Variants in XIRP2 observed in about 807,000 individuals in gnomAD.
XIRP2 encodes the protein xin actin-binding repeat-containing protein 2.
XIRP2 carries 236 observed loss-of-function variants against 277.0 expected under a neutral mutation model. The ratio of observed to expected loss-of-function variants is 0.85; its 90% CI spans 0.77 to 0.95. The LOEUF is 0.95. XIRP2 is among the 40% of genes least tolerant of loss of function. XIRP2 has a pLI of 0.00. For missense variants in XIRP2, 4,640 were observed against 4,157.5 expected (o/e 1.12, Z -3.19); for synonymous variants, 1,490 against 1,416.5 (o/e 1.05, Z -1.17).
chr2:166,915,683 A>G (rs1684852973), intron 2 of XIRP2, among the ~76,000 whole-genome samples: 1 of 152,178 alleles, frequency 6.6e-6, no homozygotes, highest in Admixed American at 6.5e-5. Context: ...TAATCTAATT[A>G]TTCTATTCAT....
chr2:166,912,991 G>T (rs757302235), intron 2 of XIRP2, among the ~76,000 whole-genome samples: 33 of 152,266 alleles, frequency 2.2e-4, no homozygotes, highest in Middle Eastern at 3.4e-3. Flanking sequence ...TTACTCGGCC[G>T]TGTGAGGTGT....
intron 2 of XIRP2, among the ~76,000 whole-genome samples, chr2:167,017,313 G>A (rs1174777852): frequency 1.3e-5 from 2 of 151,852 alleles, no homozygotes; most frequent in Non-Finnish European, 2.9e-5. Context: ...TGATTTATGT[G>A]GTTGCATAAC....
At chr2:167,242,361 A>C (rs1470013737) in intron 8 of XIRP2, among the ~76,000 whole-genome samples, 1 of 152,216 alleles carries the variant, frequency 6.6e-6, no homozygotes, top group African/African-American at 2.4e-5. Flanking sequence ...TAGCAAATAT[A>C]ACTTTACAAG....
Position 167,245,148 on chromosome 2 carries a change from A to G in XIRP2, c.3756A>G (p.Lys1252=), listed in dbSNP as rs766258928. The G allele has an allele frequency of 6.2e-7, 1 of 1,613,002 alleles. No individual in the cohort carries two copies. The highest frequency in any genetic ancestry group is 8.5e-7 in the Non-Finnish European group (1 of 1,179,592). Reference sequence around the variant, plus strand: ...AAAACCAACCAATTGATAAGATAAAAGAAAGCCAAGAAGGTGATGAATGTG... The same window carrying G: ...AAAACCAACCAATTGATAAGATAAAGGAAAGCCAAGAAGGTGATGAATGTG... ...LFENQPIDKI[K]ESQEGDECVK... is the part of the protein sequence containing the mutation. The change falls in exon 9 of 11, where the codon AAA becomes AAG. Residue 1252 remains lysine, a synonymous_variant. Transcript: ENST00000409195.
In XIRP2 at chr2:167,244,504, ATAAT is replaced by A; in HGVS notation, c.3115_3118del (p.Ile1039GlufsTer13). The A allele has an allele frequency of 6.2e-7, 1 of 1,613,742 alleles. No individual in the cohort carries two copies. Among genetic ancestry groups the A allele is most frequent in the Non-Finnish European group, 8.5e-7 (1 of 1,179,824 alleles). On this transcript the variant is annotated frameshift_variant, in exon 9 of 11. Transcript: ENST00000409195. LOFTEE classifies it high-confidence loss of function. ...TGATGAAAGCATTCATAAATTTCAA[ATAAT>A]TAGAGGAATATCTGCTCAAGAAATA...
rs752152777 is a variant in XIRP2, at chr2:167,248,472, A to G, written c.7080A>G (p.Ser2360=). ...ATGAGAAATCTGAAAGAGAAAGTTC[A>G]TCGATGTTTCTGCCGCCTCCTCCTC... ...PVDEKSERES[S]SMFLPPPPPP... The change falls in exon 9 of 11, where the codon TCA becomes TCG. Residue 2360 remains serine (S), a synonymous_variant. Transcript: ENST00000409195. 6.2e-7 allele frequency: 1 copy of G among 1,613,668 alleles called. No homozygotes were observed. The highest frequency in any genetic ancestry group is 8.5e-7 in the Non-Finnish European group (1 of 1,179,760).
chr2:167,121,888 T>A (rs188040856), intron 2 of XIRP2, among the ~76,000 whole-genome samples: 144 of 152,212 alleles, frequency 9.5e-4, no homozygotes, highest in African/African-American at 3.3e-3. Context: ...ACACAGCAAG[T>A]CATATGAACG....
At chr2:166,982,384 A>T in intron 2 of XIRP2, among the ~76,000 whole-genome samples, 1 of 147,384 alleles carries the variant, frequency 6.8e-6, no homozygotes. Context: ...GTAAAATTTG[A>T]TTTTTCTTCC....
At chr2:167,094,552 A>G (rs1690242281) in intron 2 of XIRP2, among the ~76,000 whole-genome samples, 1 of 152,062 alleles carries the variant, frequency 6.6e-6, no homozygotes. Context: ...AGTTTTCCCA[A>G]CACCATTTAT....
At chr2:167,252,951 A>G (rs1695557416) in intron 9 of XIRP2, among the ~76,000 whole-genome samples, 1 of 151,920 alleles carries the variant, frequency 6.6e-6, no homozygotes, top group African/African-American at 2.4e-5. Context: ...TCAAATACTC[A>G]GCTTCTGTTA....
chr2:167,083,327 T>C (rs1417842614), intron 2 of XIRP2, among the ~76,000 whole-genome samples: 3 of 152,252 alleles, frequency 2.0e-5, no homozygotes, highest in Non-Finnish European at 4.4e-5. Flanking sequence ...ACCAGTACCA[T>C]GCTGTTTTGG....
chr2:166,924,101 G>A (rs758786399), intron 2 of XIRP2, among the ~76,000 whole-genome samples: 1 of 152,090 alleles, frequency 6.6e-6, no homozygotes, highest in Non-Finnish European at 1.5e-5. Context: ...ATATAGTTGA[G>A]TATCTTCCTT....
intron 2 of XIRP2, among the ~76,000 whole-genome samples, chr2:166,985,396 G>T (rs1191214940): frequency 6.6e-6 from 1 of 151,330 alleles, no homozygotes; most frequent in Non-Finnish European, 1.5e-5. Flanking sequence ...TACTTTTTAT[G>T]TCCATAATTA....
chr2:167,162,125 A>AT (rs1276665125), intron 3 of XIRP2, among the ~76,000 whole-genome samples: 1 of 152,156 alleles, frequency 6.6e-6, no homozygotes, highest in Non-Finnish European at 1.5e-5. Context: ...TCCCTGTATC[A>AT]TTATCAGCAT....
chr2:167,098,822 G>A (rs1311281602), intron 2 of XIRP2, among the ~76,000 whole-genome samples: 1 of 152,160 alleles, frequency 6.6e-6, no homozygotes, highest in Non-Finnish European at 1.5e-5. Flanking sequence ...ATCTGCTGGA[G>A]TTTGCTGTGG....
At position 167,248,192 on chromosome 2, in the gene XIRP2, T is replaced by C; in HGVS notation, c.6800T>C (p.Met2267Thr). The part of the protein sequence containing the change: ...TNTSTGLKMA[M>T]ERSLNPINFN... ...ACTTCCACAGGCTTAAAAATGGCAA[T>C]GGAAAGGTCCTTGAATCCAATCAAC... The change falls in exon 9 of 11, where the codon ATG (methionine) becomes ACG (threonine). Residue 2267 changes from methionine to threonine, a missense_variant. Met to Thr is a moderately conservative substitution (Grantham distance 81). Coordinates refer to ENST00000409195, the MANE Select transcript of XIRP2 (RefSeq NM_152381.6). 2 of 1,613,748 alleles carry C rather than the reference T, an allele frequency of 1.2e-6. No individual in the cohort carries two copies. The highest frequency in any genetic ancestry group is 1.7e-6 in the Non-Finnish European group (2 of 1,179,792).
chr2:167,043,756 G>C (rs1193928968), intron 2 of XIRP2, among the ~76,000 whole-genome samples: 2 of 151,912 alleles, frequency 1.3e-5, no homozygotes, highest in Non-Finnish European at 2.9e-5. Flanking sequence ...AATTCTACCA[G>C]ATATATAAAG....
At chr2:167,242,054 T>C (rs1695088436) in intron 8 of XIRP2, 144 bp downstream of exon 8, 1 of 1,065,376 alleles carries the variant, frequency 9.4e-7, no homozygotes, top group African/African-American at 1.6e-5. Flanking sequence ...GTAAGGAGAA[T>C]ATTGACCTGC....
At chr2:167,089,894 C>T (rs1266504551) in intron 2 of XIRP2, among the ~76,000 whole-genome samples, 1 of 152,002 alleles carries the variant, frequency 6.6e-6, no homozygotes, top group East Asian at 1.9e-4. Flanking sequence ...GCCTGCAAAA[C>T]CTAAAGCATT....
Sources: gnomAD v4.1 joint callset for allele counts (sites outside exome capture counted in the v4.1 genomes callset) on GRCh38, gnomAD v4.1.1 for gene constraint, MANE v1.5 for transcripts, NCBI Gene and HGNC (gene_info 2026-07-23, HGNC 2026-07-21) for gene names.